Variants in EDA observed in about 807,000 individuals in gnomAD.
The protein encoded by EDA is ectodysplasin-A.
A neutral mutation model predicts 23.6 loss-of-function variants in EDA; 2 were observed. That is an observed-to-expected ratio of 0.08 (90% CI 0.03 to 0.27). The LOEUF is 0.27. EDA is among the 10% of genes least tolerant of loss of function. The pLI is 1.00. For synonymous variants in EDA, 131 were observed against 132.0 expected (o/e 0.99, Z 0.05); for missense variants, 229 against 324.2 (o/e 0.71, Z 2.26).
intron 2 of EDA, among the ~76,000 whole-genome samples, chrX:69,986,706 G>A (rs2147459278): frequency 1.0e-4 from 1 of 9,636 alleles, no homozygotes; most frequent in African/African-American, 5.2e-4. Context: ...CATTGTGGAA[G>A]TCAGTGTGGC....
intron 1 of EDA, among the ~76,000 whole-genome samples, chrX:69,761,262 G>C (rs769482715): frequency 4.5e-5 from 5 of 110,977 alleles, no homozygotes; most frequent in Non-Finnish European, 9.4e-5. Flanking sequence ...AAGGAGGAAA[G>C]ATGTGTTAAA....
At chrX:69,621,888 A>C (rs1932193839) in intron 1 of EDA, among the ~76,000 whole-genome samples, 1 of 110,672 alleles carries the variant, frequency 9.0e-6, no homozygotes. Flanking sequence ...CCACAGGCAC[A>C]TGCCACCATG....
At chrX:69,932,087 A>G (rs2018605985) in intron 1 of EDA, among the ~76,000 whole-genome samples, 1 of 112,053 alleles carries the variant, frequency 8.9e-6, no homozygotes. Flanking sequence ...GAAGCCCGAC[A>G]AAGTATCTTG....
intron 1 of EDA, among the ~76,000 whole-genome samples, chrX:69,949,300 C>A (rs1323815572): frequency 9.0e-6 from 1 of 111,497 alleles, no homozygotes; most frequent in Non-Finnish European, 1.9e-5. Context: ...CCCTATTTTA[C>A]CCAGAAGAAA....
At position 69,697,047 on chromosome X, in the gene EDA, G is replaced by A. The variant is rs73546220; in HGVS notation, c.396+80343G>A. Among the ~76,000 whole-genome samples the A allele has an allele frequency of 4.1e-3, 453 of 111,599 alleles. 1 individual carries two copies. Among genetic ancestry groups the A allele is most frequent in the African/African-American group, 0.014 (429 of 30,696 alleles). Reference sequence around the variant, plus strand: ...GAGAGAGGGAGAGTGAAAGGTTCTTGTATTGGTTCGAACCCCAGGAGCACA... The same window carrying A: ...GAGAGAGGGAGAGTGAAAGGTTCTTATATTGGTTCGAACCCCAGGAGCACA... On this transcript the variant is annotated intron_variant, in intron 1 of 7. Coordinates refer to ENST00000374552, the MANE Select transcript of EDA (RefSeq NM_001399.5).
chrX:69,946,760 A>G (rs2018839213), intron 1 of EDA, among the ~76,000 whole-genome samples: 1 of 110,587 alleles, frequency 9.0e-6, no homozygotes, highest in Admixed American at 9.7e-5. Flanking sequence ...GGCTTGGGGT[A>G]GTTTATGTGG....
chrX:70,011,582 A>G (rs924545565), intron 2 of EDA, among the ~76,000 whole-genome samples: 15 of 111,233 alleles, frequency 1.3e-4, no homozygotes, highest in Middle Eastern at 4.6e-3. Flanking sequence ...TAGTAAATCT[A>G]TTAAGAACAA....
chrX:69,704,563 T>A (rs1356458811), intron 1 of EDA, among the ~76,000 whole-genome samples: 1 of 108,683 alleles, frequency 9.2e-6, no homozygotes, highest in Non-Finnish European at 1.9e-5. Flanking sequence ...GTTTTCAGGT[T>A]AACTTCGGAA....
chrX:69,679,226 G>A (rs1934233843), intron 1 of EDA, among the ~76,000 whole-genome samples: 1 of 106,818 alleles, frequency 9.4e-6, no homozygotes, highest in East Asian at 3.0e-4. Flanking sequence ...CGGTTTGCCA[G>A]TATTTTATTG....
chrX:69,695,517 T>C (rs1342639883), intron 1 of EDA, among the ~76,000 whole-genome samples: 1 of 103,015 alleles, frequency 9.7e-6, no homozygotes, highest in East Asian at 3.0e-4. Flanking sequence ...TCTTTCTTTT[T>C]TTTTTTTTTT....
chrX:69,856,625 G>A (rs1455352954), intron 1 of EDA, among the ~76,000 whole-genome samples: 2 of 111,028 alleles, frequency 1.8e-5, no homozygotes, highest in Non-Finnish European at 3.8e-5. Flanking sequence ...GTGATGTTGA[G>A]CATTTTTCAT....
intron 1 of EDA, among the ~76,000 whole-genome samples, chrX:69,867,430 T>C (rs760349539): frequency 3.6e-5 from 4 of 112,265 alleles, no homozygotes; most frequent in Admixed American, 9.4e-5. Context: ...CCAAATTTCT[T>C]TGTCACCAAT....
chrX:69,827,169 T>C (rs1421277447), intron 1 of EDA, among the ~76,000 whole-genome samples: 1 of 111,738 alleles, frequency 8.9e-6, no homozygotes, highest in Non-Finnish European at 1.9e-5. Flanking sequence ...AATCTGACAA[T>C]TATGTGTCTT....
At chrX:69,724,258 AC>A (rs911220140) in intron 1 of EDA, among the ~76,000 whole-genome samples, 11 of 111,508 alleles carry the variant, frequency 9.9e-5, no homozygotes, top group African/African-American at 2.9e-4. Context: ...ATAGAATTGT[AC>A]CCTTGCCAGA....
At chrX:69,616,764 T>A (rs896085147) in intron 1 of EDA, 60 bp downstream of exon 1, 7 of 1,192,840 alleles carry the variant, frequency 5.9e-6, no homozygotes, top group Admixed American at 2.2e-5. Context: ...GCGAGGGCCC[T>A]CCGCCACAGG....
chrX:69,936,728 C>T (rs2018678742), intron 1 of EDA, among the ~76,000 whole-genome samples: 3 of 111,611 alleles, frequency 2.7e-5, no homozygotes, highest in Non-Finnish European at 5.6e-5. Flanking sequence ...ATAGCTAAAA[C>T]TCCTGCAGAA....
At chrX:69,910,115 G>T (rs1488222223) in intron 1 of EDA, among the ~76,000 whole-genome samples, 1 of 110,582 alleles carries the variant, frequency 9.0e-6, no homozygotes, top group East Asian at 2.8e-4. Flanking sequence ...TTATTAAAGT[G>T]CTTATGAAGT....
intron 1 of EDA, among the ~76,000 whole-genome samples, chrX:69,934,409 C>T (rs1239783076): frequency 9.0e-6 from 1 of 111,007 alleles, no homozygotes; most frequent in Non-Finnish European, 1.9e-5. Flanking sequence ...CTTGACATTT[C>T]CAATTTTCAA....
At chrX:70,012,135 T>G (rs1447402062) in intron 2 of EDA, among the ~76,000 whole-genome samples, 3 of 111,615 alleles carry the variant, frequency 2.7e-5, no homozygotes, top group Non-Finnish European at 5.6e-5. Flanking sequence ...TATGTCCCCC[T>G]CTGATGCAGG....
Sources: gnomAD v4.1 joint callset for allele counts (sites outside exome capture counted in the v4.1 genomes callset) on GRCh38, gnomAD v4.1.1 for gene constraint, MANE v1.5 for transcripts, NCBI Gene and HGNC (gene_info 2026-07-23, HGNC 2026-07-21) for gene names.